The following PRKN variants were observed in gnomAD, a reference collection of about 807,000 sequenced individuals.
The protein encoded by PRKN is parkin RBR E3 ubiquitin protein ligase.
PRKN carries 56 observed loss-of-function variants against 59.5 expected under a neutral mutation model. The observed-to-expected ratio is 0.94, with a 90% CI of 0.76 to 1.18. The LOEUF (loss-of-function observed/expected upper bound fraction) is 1.18, where lower values mean the gene tolerates loss of function less well. Among genes scored for constraint, PRKN ranks in the 50% most tolerant of loss-of-function variants. PRKN has a pLI of 0.00. For synonymous variants in PRKN, 250 were observed against 222.1 expected (o/e 1.13, Z -1.12); for missense variants, 657 against 596.4 (o/e 1.10, Z -1.06).
chr6:162,298,883 G>A (rs1781814439), intron 2 of PRKN, among the ~76,000 whole-genome samples: 2 of 152,128 alleles, frequency 1.3e-5, no homozygotes, highest in Admixed American at 1.3e-4. Context: ...GGGAGGTGCT[G>A]CCCCGCCATG....
chr6:162,380,487 A>ATG (rs1562716627), intron 2 of PRKN, among the ~76,000 whole-genome samples: 2 of 37,990 alleles, frequency 5.3e-5, no homozygotes, highest in African/African-American at 2.4e-4. Context: ...ATATATGTAT[A>ATG]TATACACACA....
chr6:162,518,625 C>G (rs1053442243), intron 1 of PRKN, among the ~76,000 whole-genome samples: 1 of 152,136 alleles, frequency 6.6e-6, no homozygotes, highest in African/African-American at 2.4e-5. Flanking sequence ...CCTTGGGATA[C>G]CAAACTGCTG....
At chr6:162,726,510 A>G (rs1562529659) in intron 1 of PRKN, among the ~76,000 whole-genome samples, 1 of 152,230 alleles carries the variant, frequency 6.6e-6, no homozygotes, top group Non-Finnish European at 1.5e-5. Context: ...GAAAAGTTGG[A>G]CAACATTCTT....
In PRKN at chr6:161,487,425, A is replaced by C. The variant is rs1777365454; in HGVS notation, c.1083+61429T>G. On this transcript the variant is annotated intron_variant, in intron 9 of 11. Transcript: ENST00000366898. This position sits in a 1 kb window ranked among gnomAD's most constrained non-coding sequence, Gnocchi z 5.3. ...GTGGGATGGCAAAGGAATTTTCTAG[A>C]ACTAAGAGTGTGTGTTGGGAAGGTA... Among the ~76,000 whole-genome samples the C allele has an allele frequency of 6.6e-6, 1 of 152,170 alleles. No individual in the cohort carries two copies. Among genetic ancestry groups the C allele is most frequent in the Non-Finnish European group, 1.5e-5 (1 of 68,024 alleles).
At chr6:162,067,008 C>T (rs775857941) in intron 4 of PRKN, among the ~76,000 whole-genome samples, 4 of 152,168 alleles carry the variant, frequency 2.6e-5, no homozygotes, top group Admixed American at 6.5e-5. Context: ...TGATGACCAA[C>T]GGGATATAAC....
chr6:161,811,234 T>C lies in PRKN; in HGVS notation c.735-25326A>G, dbSNP rs76652897. Among the ~76,000 whole-genome samples, 63 of 152,230 alleles carry C rather than the reference T, an allele frequency of 4.1e-4. 1 individual carries two copies. The highest frequency in any genetic ancestry group is 3.3e-3 in the East Asian group (17 of 5,178). On this transcript the variant is annotated intron_variant, in intron 6 of 11. Coordinates refer to ENST00000366898, the MANE Select transcript of PRKN (RefSeq NM_004562.3). ...CAAGCCAATAAACTAGGCCAATCAATTGTCAGAAAGAAAGTTTTCTGGGTT... is the reference window on the plus strand; with the variant it reads ...CAAGCCAATAAACTAGGCCAATCAACTGTCAGAAAGAAAGTTTTCTGGGTT...
At position 161,550,305 on chromosome 6, in the gene PRKN, T is replaced by C. The variant is rs2315319; in HGVS notation, c.934-1302A>G. Among the ~76,000 whole-genome samples, 32,713 of 152,146 alleles carry C rather than the reference T, an allele frequency of 0.22. 4,177 individuals carry two copies. Among genetic ancestry groups the C allele is most frequent in the Non-Finnish European group, 0.29 (19,644 of 67,980 alleles). On this transcript the variant is annotated intron_variant, in intron 8 of 11. Transcript: ENST00000366898. This position sits in a 1 kb window ranked among gnomAD's most constrained non-coding sequence, Gnocchi z 4.0. ...TGACAGCTGCTTTCAGAACCCTGGG[T>C]GTTATTCTGGAAGATACCAGAACCA...
chr6:161,572,063 C>T lies in PRKN; in HGVS notation c.872-2647G>A, dbSNP rs201027739. Among the ~76,000 whole-genome samples, 12 of 152,222 alleles carry T rather than the reference C, an allele frequency of 7.9e-5. No homozygotes were observed. In the East Asian group the frequency reaches 2.1e-3, roughly 27 times the overall value. The stretch of plus-strand genomic sequence containing the variant: ...TTGCAGATGGCAGATTGCAGGACTG[C>T]TTGGCCGCCATAATTGTGTGAGCCC... On this transcript the variant is annotated intron_variant, in intron 7 of 11. Transcript: ENST00000366898.
chr6:161,633,350 C>G (rs192183027), intron 7 of PRKN, among the ~76,000 whole-genome samples: 57 of 152,332 alleles, frequency 3.7e-4, no homozygotes, highest in African/African-American at 1.3e-3. Flanking sequence ...TATGCCTAAA[C>G]ATACAATGTT....
intron 4 of PRKN, among the ~76,000 whole-genome samples, chr6:162,120,231 T>C (rs1457627246): frequency 1.3e-5 from 2 of 152,206 alleles, no homozygotes; most frequent in African/African-American, 4.8e-5. Flanking sequence ...ATGGAACTCC[T>C]GGGCTCAAGC....
At position 161,748,492 on chromosome 6, in the gene PRKN, T is replaced by A. The variant is rs114714024; in HGVS notation, c.871+37280A>T. 5.9e-3 allele frequency among the ~76,000 whole-genome samples: 905 copies of A among 152,182 alleles called. 9 individuals are homozygous for A. Among genetic ancestry groups the A allele is most frequent in the African/African-American group, 0.021 (879 of 41,514 alleles). On this transcript the variant is annotated intron_variant, in intron 7 of 11. Transcript: ENST00000366898. Reference sequence around the variant, plus strand: ...AGAACTCCCACCCGCGCTTTGATTTTGGCTCAGAAAATCACCTCCTCCTTC... The same window carrying A: ...AGAACTCCCACCCGCGCTTTGATTTAGGCTCAGAAAATCACCTCCTCCTTC...
chr6:161,907,188 G>C (rs192637017), intron 6 of PRKN, among the ~76,000 whole-genome samples: 15 of 152,228 alleles, frequency 9.9e-5, no homozygotes, highest in African/African-American at 3.4e-4. Context: ...TATGGATAAA[G>C]GATACACTTC....
At chr6:162,230,688 A>G (rs1778383417) in intron 3 of PRKN, among the ~76,000 whole-genome samples, 1 of 152,324 alleles carries the variant, frequency 6.6e-6, no homozygotes, top group East Asian at 1.9e-4. Flanking sequence ...CAGAAATCTA[A>G]TAACAGCCTG....
chr6:161,510,057 C>T (rs111528733), intron 9 of PRKN, among the ~76,000 whole-genome samples: 271 of 152,232 alleles, frequency 1.8e-3, no homozygotes, highest in African/African-American at 6.1e-3. Flanking sequence ...AATCCTCTAC[C>T]GTCCTTATGA....
rs985456541 is a variant in PRKN, at chr6:162,056,903, T to TGGGG, written c.535-2733_535-2730dup. Among the ~76,000 whole-genome samples the TGGGG allele has an allele frequency of 2.0e-5, 3 of 152,110 alleles. No homozygotes were observed. Among genetic ancestry groups the TGGGG allele is most frequent in the Non-Finnish European group, 4.4e-5 (3 of 68,018 alleles). On this transcript the variant is annotated intron_variant, in intron 4 of 11. Transcript: ENST00000366898. This position sits in a 1 kb window ranked among gnomAD's most constrained non-coding sequence, Gnocchi z 4.9. ...AACTGAGTGCCTCTCGAGTGACCAC[T>TGGGG]GGGGGAGGACTCAGAGCCTTGCCTG...
At chr6:162,323,359 G>T (rs1783115344) in intron 2 of PRKN, among the ~76,000 whole-genome samples, 1 of 151,514 alleles carries the variant, frequency 6.6e-6, no homozygotes, top group African/African-American at 2.4e-5. Flanking sequence ...GAATTTCTTA[G>T]ATAATAATAC....
At chr6:161,571,149 T>C (rs1780873203) in intron 7 of PRKN, among the ~76,000 whole-genome samples, 2 of 152,152 alleles carry the variant, frequency 1.3e-5, no homozygotes, top group African/African-American at 4.8e-5. Context: ...CTCACTATGC[T>C]GTCCAGGCTG....
intron 6 of PRKN, among the ~76,000 whole-genome samples, chr6:161,833,958 T>A (rs1792629396): frequency 6.6e-6 from 1 of 152,188 alleles, no homozygotes; most frequent in African/African-American, 2.4e-5. Flanking sequence ...AAGCTATGTC[T>A]CAGAATCTAT....
intron 3 of PRKN, among the ~76,000 whole-genome samples, chr6:162,256,800 A>C (rs1330223889): frequency 1.3e-5 from 2 of 152,182 alleles, no homozygotes; most frequent in East Asian, 3.8e-4. Flanking sequence ...TCTTGAATGC[A>C]ATGTCTCCCT....
Sources: allele counts gnomAD v4.1 joint callset (sites outside exome capture counted in the v4.1 genomes callset), GRCh38; gene constraint gnomAD v4.1.1; non-coding constraint Gnocchi (gnomAD v3.1); transcripts MANE v1.5; gene names NCBI Gene and HGNC (gene_info 2026-07-23, HGNC 2026-07-21).